Variants in C6orf120 observed in about 807,000 individuals in gnomAD.
The protein encoded by C6orf120 is chromosome 6 open reading frame 120, also known as UPF0669 protein C6orf120.
For synonymous variants in C6orf120, 165 were observed against 123.1 expected (o/e 1.34, Z -2.25); for missense variants, 311 against 264.2 (o/e 1.18, Z -1.23).
downstream of C6orf120, chr6:169,705,238 A>G (rs938395305): frequency 5.6e-6 from 9 of 1,613,030 alleles, no homozygotes; most frequent in Non-Finnish European, 7.6e-6. Flanking sequence ...CATATAATGC[A>G]TGTTTTACAT....
exon 1 of C6orf120, chr6:169,702,542 G>A (rs1255364737): frequency 6.2e-7 from 1 of 1,612,134 alleles, no homozygotes. Context: ...TCTCCGGGAA[G>A]CTGCGCGGAC....
At chr6:169,704,405 G>A (rs1380912747) in exon 1 of C6orf120, 5 of 297,348 alleles carry the variant, frequency 1.7e-5, no homozygotes, top group East Asian at 6.2e-5. Context: ...AACCCATTCC[G>A]GAATTTGGCT....
chr6:169,705,676 C>T, downstream of C6orf120: 5 of 1,595,794 alleles, frequency 3.1e-6, no homozygotes, highest in Middle Eastern at 3.3e-4. Flanking sequence ...TTGTTGGACT[C>T]CTTACCCTTC....
exon 1 of C6orf120, chr6:169,702,344 C>G (rs1788338294): frequency 1.5e-6 from 1 of 665,028 alleles, no homozygotes; most frequent in Admixed American, 2.9e-5. Flanking sequence ...AGACCAGGCG[C>G]CTGGACGCGC....
At chr6:169,705,296 T>C (rs1238194745), downstream of C6orf120, 8 of 1,611,006 alleles carry the variant, frequency 5.0e-6, no homozygotes, top group Non-Finnish European at 6.8e-6. Context: ...CAAGCTCCAT[T>C]GTCATATCCA....
exon 1 of C6orf120, chr6:169,703,089 G>A: frequency 6.6e-7 from 1 of 1,505,282 alleles, no homozygotes; most frequent in South Asian, 1.3e-5. Flanking sequence ...GCTGATTGCA[G>A]TTTGCTGTGA....
At chr6:169,702,661 A>T (rs1214641877) in exon 1 of C6orf120, 1 of 1,613,334 alleles carries the variant, frequency 6.2e-7, no homozygotes, top group African/African-American at 1.3e-5. Context: ...GATAGTCCTC[A>T]GGATGCGCAG....
At chr6:169,702,921 A>C (rs1401707651) in exon 1 of C6orf120, 1 of 1,612,666 alleles carries the variant, frequency 6.2e-7, no homozygotes, top group South Asian at 1.1e-5. Flanking sequence ...CCGACGGCGC[A>C]GATGCCGGCC....
exon 1 of C6orf120, chr6:169,704,240 A>C (rs938229945): frequency 1.8e-6 from 1 of 560,520 alleles, no homozygotes; most frequent in African/African-American, 2.0e-5. Context: ...TAATTTAAGG[A>C]AAAAATGTAA....
At chr6:169,705,820 G>A, downstream of C6orf120, 4 of 726,872 alleles carry the variant, frequency 5.5e-6, no homozygotes, top group South Asian at 6.2e-5. Flanking sequence ...TTTTACTTTT[G>A]GTAACTTGCT....
chr6:169,703,748 C>G (rs561770281), exon 1 of C6orf120: 69 of 462,762 alleles, frequency 1.5e-4, no homozygotes, highest in Non-Finnish European at 2.3e-4. Context: ...TATGGAGAAA[C>G]AGTTAAGTAT....
chr6:169,702,443 G>A, exon 1 of C6orf120: 2 of 1,477,308 alleles, frequency 1.4e-6, no homozygotes, highest in Non-Finnish European at 1.8e-6. Flanking sequence ...GCAGGCCCCG[G>A]AGCTGAGCCG....
At chr6:169,705,252 A>G, downstream of C6orf120, 1 of 1,613,400 alleles carries the variant, frequency 6.2e-7, no homozygotes. Context: ...TTTACATTCC[A>G]TACACTGCCA....
chr6:169,702,139 G>C, upstream of C6orf120: 1 of 592,618 alleles, frequency 1.7e-6, no homozygotes, highest in Non-Finnish European at 3.2e-6. Flanking sequence ...TCCGCCTCCG[G>C]CGAGGCTCCG....
chr6:169,702,626 A>G lies in C6orf120; in HGVS notation c.167A>G (p.Tyr56Cys), dbSNP rs747164759. ...CAGATAGGCGCCGGGAACTACAGCT[A>G]CCTGCGGCTGAACCACGAGGGCAAG... Residue 56 changes from tyrosine to cysteine, a missense_variant, in exon 1 of 1, where the codon TAC (tyrosine) becomes TGC (cysteine). Tyr to Cys is a radical substitution (Grantham distance 194, BLOSUM62 -2). Transcript: ENST00000332290. The G allele has an allele frequency of 9.9e-6, 16 of 1,613,222 alleles. No homozygotes were observed. In the South Asian group the frequency reaches 1.6e-4, roughly 17 times the overall value.
exon 1 of C6orf120, chr6:169,702,673 C>G (rs181431563): frequency 3.7e-6 from 6 of 1,613,496 alleles, no homozygotes; most frequent in Middle Eastern, 1.7e-4. Context: ...GATGCGCAGC[C>G]TCAAGGGAGA....
At chr6:169,703,272 T>TC (rs2128327471) in exon 1 of C6orf120, 1 of 557,932 alleles carries the variant, frequency 1.8e-6, no homozygotes, top group African/African-American at 1.9e-5. Flanking sequence ...GTGTTTAGAC[T>TC]CCATTTTCAT....
At chr6:169,702,560 A>T (rs772294932) in exon 1 of C6orf120, 18 of 1,612,672 alleles carry the variant, frequency 1.1e-5, no homozygotes, top group African/African-American at 5.3e-5. Context: ...GACGAGGAGG[A>T]GGTCCCCGAG....
downstream of C6orf120, chr6:169,705,025 T>TA (rs375523720): frequency 6.4e-4 from 477 of 743,790 alleles, 2 homozygotes; most frequent in African/African-American, 5.7e-3. Context: ...TATTTGCACA[T>TA]AAGAGTCCAC....
Sources: gnomAD v4.1 joint callset for allele counts on GRCh38, gnomAD v4.1.1 for gene constraint, MANE v1.5 for transcripts, NCBI Gene and HGNC (gene_info 2026-07-23, HGNC 2026-07-21) for gene names.